Variants in MSRA observed in about 807,000 individuals in gnomAD.
MSRA encodes the protein mitochondrial peptide methionine sulfoxide reductase.
A neutral mutation model predicts 31.3 loss-of-function variants in MSRA; 54 were observed. That is an observed-to-expected ratio of 1.73 (90% CI 1.39 to 2.17). The LOEUF is 2.17. Among genes scored for constraint, MSRA ranks in the 30% most tolerant of loss-of-function variants. The pLI, the probability that MSRA is intolerant of heterozygous loss-of-function variation, is 0.00. For synonymous variants in MSRA, 169 were observed against 116.5 expected, an observed-to-expected ratio of 1.45 and a Z score of -2.90; for missense variants, 507 against 300.9, an observed-to-expected ratio of 1.69 and a Z score of -5.07.
chr8:10,425,228 C>G (rs569007240), intron 5 of MSRA, among the ~76,000 whole-genome samples: 4 of 152,350 alleles, frequency 2.6e-5, no homozygotes, highest in African/African-American at 9.6e-5. Context: ...GCCGCCACCT[C>G]TATCCGCCAC....
At chr8:10,083,361 T>C (rs915572819) in intron 1 of MSRA, among the ~76,000 whole-genome samples, 1 of 152,232 alleles carries the variant, frequency 6.6e-6, no homozygotes, top group African/African-American at 2.4e-5. Flanking sequence ...TTTTTAGATA[T>C]GTGACACATT....
intron 2 of MSRA, among the ~76,000 whole-genome samples, chr8:10,219,699 G>C (rs953219654): frequency 6.7e-6 from 1 of 149,668 alleles, no homozygotes; most frequent in South Asian, 2.2e-4. Flanking sequence ...CCAGCTACTT[G>C]GGAGGCTGAG....
At chr8:10,181,421 T>A (rs1437048049) in intron 1 of MSRA, among the ~76,000 whole-genome samples, 1 of 147,734 alleles carries the variant, frequency 6.8e-6, no homozygotes, top group Non-Finnish European at 1.5e-5. Flanking sequence ...CCCTAAAACT[T>A]AAAGTATAAT....
chr8:10,190,077 A>G (rs1807375630), intron 1 of MSRA, among the ~76,000 whole-genome samples: 1 of 152,148 alleles, frequency 6.6e-6, no homozygotes, highest in Non-Finnish European at 1.5e-5. Context: ...GCTCTGTGAT[A>G]AGCCAAGGAA....
At chr8:10,130,231 A>G (rs1388381419) in intron 1 of MSRA, among the ~76,000 whole-genome samples, 1 of 152,210 alleles carries the variant, frequency 6.6e-6, no homozygotes, top group Non-Finnish European at 1.5e-5. Flanking sequence ...GTATACTGAC[A>G]GTGTGGAACA....
At chr8:10,230,606 C>A (rs879460057) in intron 2 of MSRA, among the ~76,000 whole-genome samples, 1 of 152,190 alleles carries the variant, frequency 6.6e-6, no homozygotes, top group South Asian at 2.1e-4. Context: ...GACTATCTGT[C>A]AGTCTGTATA....
chr8:10,393,112 G>T (rs1806867626), intron 5 of MSRA, among the ~76,000 whole-genome samples: 1 of 149,064 alleles, frequency 6.7e-6, no homozygotes, highest in South Asian at 2.1e-4. Context: ...TCTGAGTTAT[G>T]CTGCGAGAAA....
chr8:10,065,253 G>C (rs1254893140), intron 1 of MSRA, among the ~76,000 whole-genome samples: 3 of 152,160 alleles, frequency 2.0e-5, no homozygotes, highest in African/African-American at 7.2e-5. Flanking sequence ...CACTCAGGCA[G>C]TCTGTCCCTG....
At chr8:10,278,910 A>G (rs978064678) in intron 3 of MSRA, among the ~76,000 whole-genome samples, 1 of 152,168 alleles carries the variant, frequency 6.6e-6, no homozygotes, top group East Asian at 1.9e-4. Context: ...TCTTACTGGC[A>G]CCATGTAGGT....
At chr8:10,070,538 C>T (rs1222535883) in intron 1 of MSRA, among the ~76,000 whole-genome samples, 1 of 152,154 alleles carries the variant, frequency 6.6e-6, no homozygotes, top group Non-Finnish European at 1.5e-5. Context: ...GTACATCTTG[C>T]AAAACTATAG....
intron 1 of MSRA, among the ~76,000 whole-genome samples, chr8:10,117,703 G>A (rs113411256): frequency 6.6e-6 from 1 of 152,126 alleles, no homozygotes; most frequent in Non-Finnish European, 1.5e-5. Context: ...ATACATTTCA[G>A]GGTCTTTTTG....
At chr8:10,264,495 A>G (rs1040974406) in intron 3 of MSRA, among the ~76,000 whole-genome samples, 1 of 152,214 alleles carries the variant, frequency 6.6e-6, no homozygotes, top group Admixed American at 6.5e-5. Flanking sequence ...CAACTTGTTT[A>G]TCAGAACGAT....
At chr8:10,289,881 A>C (rs1800140043) in intron 3 of MSRA, among the ~76,000 whole-genome samples, 1 of 152,188 alleles carries the variant, frequency 6.6e-6, no homozygotes, top group Non-Finnish European at 1.5e-5. Flanking sequence ...CTCATTGTGA[A>C]GTTCTGCGAT....
intron 5 of MSRA, among the ~76,000 whole-genome samples, chr8:10,396,617 C>G (rs1807112991): frequency 1.3e-5 from 2 of 152,212 alleles, no homozygotes. Flanking sequence ...AAGACAGTTT[C>G]TCAATCAGAA....
At chr8:10,194,402 C>G (rs1807794560) in intron 1 of MSRA, among the ~76,000 whole-genome samples, 1 of 152,098 alleles carries the variant, frequency 6.6e-6, no homozygotes, top group Non-Finnish European at 1.5e-5. Flanking sequence ...CCTGTCTCTA[C>G]TAAAAGTACA....
chr8:10,263,379 A>C (rs952713758), intron 3 of MSRA, among the ~76,000 whole-genome samples: 1 of 152,170 alleles, frequency 6.6e-6, no homozygotes, highest in Non-Finnish European at 1.5e-5. Context: ...CATTCATTCT[A>C]TTAAAGGACT....
At chr8:10,314,793 G>A (rs909813701) in intron 4 of MSRA, among the ~76,000 whole-genome samples, 33 of 152,268 alleles carry the variant, frequency 2.2e-4, no homozygotes, top group African/African-American at 7.2e-4. Context: ...ATATTATGAA[G>A]CCATGAAAAT....
At chr8:10,330,948 G>A (rs1802659889) in intron 5 of MSRA, among the ~76,000 whole-genome samples, 1 of 152,204 alleles carries the variant, frequency 6.6e-6, no homozygotes, top group African/African-American at 2.4e-5. Flanking sequence ...GGTGATCAGG[G>A]TTAGATGAGG....
rs1217878487 is a variant in MSRA at position 10,148,004 on chromosome 8, G to T, written c.143-59829G>T. ...TTGAGGTGTTGCTGCCCGTACCTGT[G>T]CACTTGGCCACAGTCCAAAGTGACT... On this transcript the variant is annotated intron_variant, in intron 1 of 5. Transcript: ENST00000317173. 1.3e-5 allele frequency among the ~76,000 whole-genome samples: 2 copies of T among 152,344 alleles called. 1 individual carries two copies. The highest frequency in any genetic ancestry group is 3.9e-4 in the East Asian group (2 of 5,188).
Sources: gnomAD v4.1 joint callset for allele counts (sites outside exome capture counted in the v4.1 genomes callset) on GRCh38, gnomAD v4.1.1 for gene constraint, MANE v1.5 for transcripts, NCBI Gene and HGNC (gene_info 2026-07-23, HGNC 2026-07-21) for gene names.